THSD7A: variants seen among roughly 807,000 people sequenced by gnomAD.
THSD7A encodes thrombospondin type-1 domain-containing protein 7A.
In THSD7A, 96 loss-of-function variants were observed where a neutral mutation model predicts 231.3. The ratio of observed to expected loss-of-function variants is 0.41; its 90% CI spans 0.35 to 0.49. The LOEUF (loss-of-function observed/expected upper bound fraction) is 0.49. Among genes scored for constraint, THSD7A ranks in the 20% least tolerant of loss-of-function variants. The probability of loss-of-function intolerance (pLI) is 0.05; values close to 1 mark genes in which losing one functional copy is unlikely to be tolerated. For synonymous variants in THSD7A, 940 were observed against 743.3 expected (o/e 1.26, Z -4.30); for missense variants, 2,290 against 2,070.2 (o/e 1.11, Z -2.06).
At chr7:11,543,868 GT>G (rs1789258092) in intron 4 of THSD7A, among the ~76,000 whole-genome samples, 1 of 151,738 alleles carries the variant, frequency 6.6e-6, no homozygotes, top group South Asian at 2.1e-4. Flanking sequence ...GACAGTTAAG[GT>G]CAATATATAT....
At chr7:11,410,798 C>T (rs528972561) in intron 19 of THSD7A, among the ~76,000 whole-genome samples, 2 of 152,060 alleles carry the variant, frequency 1.3e-5, no homozygotes, top group Admixed American at 1.3e-4. Flanking sequence ...TCAAAATCTG[C>T]TATGAAACCA....
intron 1 of THSD7A, among the ~76,000 whole-genome samples, chr7:11,747,663 T>A (rs1782356015): frequency 6.6e-6 from 1 of 151,922 alleles, no homozygotes; most frequent in South Asian, 2.1e-4. Context: ...TAGAAAGACA[T>A]ATGGCTGAAT....
At chr7:11,493,393 C>T (rs370128244) in intron 6 of THSD7A, among the ~76,000 whole-genome samples, 29 of 152,178 alleles carry the variant, frequency 1.9e-4, no homozygotes, top group African/African-American at 6.3e-4. Context: ...CTAGCTCACA[C>T]GTTTCAAACC....
At chr7:11,785,233 A>AT in intron 1 of THSD7A, among the ~76,000 whole-genome samples, 1 of 151,866 alleles carries the variant, frequency 6.6e-6, no homozygotes, top group Non-Finnish European at 1.5e-5. Context: ...TAATTAACTC[A>AT]TTTTTTCAGA....
intron 9 of THSD7A, among the ~76,000 whole-genome samples, chr7:11,468,826 ACT>A (rs535733221): frequency 6.8e-4 from 103 of 152,092 alleles, no homozygotes; most frequent in African/African-American, 2.1e-3. Context: ...AGAGTGAGAG[ACT>A]CTATCTTAAA....
At chr7:11,508,624 G>A (rs1202462525) in intron 6 of THSD7A, among the ~76,000 whole-genome samples, 2 of 152,176 alleles carry the variant, frequency 1.3e-5, no homozygotes, top group Non-Finnish European at 1.5e-5. Context: ...AAATCAGGAT[G>A]TCAAAGAGAT....
chr7:11,738,361 A>C (rs1019060634), intron 1 of THSD7A, among the ~76,000 whole-genome samples: 2 of 152,022 alleles, frequency 1.3e-5, no homozygotes, highest in Admixed American at 6.6e-5. Context: ...ACTTTTATTC[A>C]TAATAGTTCT....
At chr7:11,540,473 C>A (rs1789097848) in intron 6 of THSD7A, among the ~76,000 whole-genome samples, 1 of 152,174 alleles carries the variant, frequency 6.6e-6, no homozygotes, top group Non-Finnish European at 1.5e-5. Flanking sequence ...CCAGTACCCC[C>A]AAGGGGGCAC....
chr7:11,391,858 T>C (rs1008876192), intron 23 of THSD7A, among the ~76,000 whole-genome samples: 6 of 152,042 alleles, frequency 3.9e-5, no homozygotes, highest in Non-Finnish European at 7.4e-5. Context: ...AGGGAATCCC[T>C]GACCCCTTGC....
chr7:11,533,286 T>C (rs182932003), intron 6 of THSD7A, among the ~76,000 whole-genome samples: 1 of 152,304 alleles, frequency 6.6e-6, no homozygotes, highest in East Asian at 1.9e-4. Context: ...ATAAGCCATT[T>C]CTTATGGAAA....
chr7:11,431,788 C>T (rs373509247), intron 13 of THSD7A, among the ~76,000 whole-genome samples: 4 of 152,082 alleles, frequency 2.6e-5, no homozygotes, highest in African/African-American at 4.8e-5. Flanking sequence ...GAAGCACTGC[C>T]GTCTTAATTC....
At chr7:11,707,100 C>T (rs1325242680) in intron 1 of THSD7A, among the ~76,000 whole-genome samples, 2 of 150,730 alleles carry the variant, frequency 1.3e-5, no homozygotes, top group African/African-American at 4.8e-5. Flanking sequence ...ACTAAGGGCT[C>T]ATATTGAATT....
chr7:11,667,414 T>C (rs745658390), intron 1 of THSD7A, among the ~76,000 whole-genome samples: 2 of 152,212 alleles, frequency 1.3e-5, no homozygotes, highest in Non-Finnish European at 2.9e-5. Flanking sequence ...CACGAGCGTT[T>C]GTACTTTATC....
intron 1 of THSD7A, among the ~76,000 whole-genome samples, chr7:11,670,304 A>G (rs966435530): frequency 7.9e-5 from 12 of 152,270 alleles, no homozygotes; most frequent in Admixed American, 7.8e-4. Context: ...GTCAATGGAG[A>G]TCCATTACCA....
chr7:11,751,416 G>A (rs1298306405), intron 1 of THSD7A: 5 of 151,892 alleles, frequency 3.3e-5, no homozygotes, highest in African/African-American at 1.2e-4. Flanking sequence ...GTGGGGGGAG[G>A]AGCCCCTCCC....
In THSD7A at chr7:11,444,111, C is replaced by T. The variant is rs1421196912; in HGVS notation, c.3064+1950G>A. The stretch of plus-strand genomic sequence containing the variant: ...AAAACCACAGTGAGATACCACCTCA[C>T]ACCAGTTAGAATGGTGATCATTAAA... On this transcript the variant is annotated intron_variant, in intron 13 of 27. Coordinates refer to ENST00000423059, the MANE Select transcript of THSD7A (RefSeq NM_015204.3). This position sits in a 1 kb window ranked among gnomAD's most constrained non-coding sequence, Gnocchi z 4.2. Among the ~76,000 whole-genome samples, 6 of 152,208 alleles carry T rather than the reference C, an allele frequency of 3.9e-5. No homozygotes were observed. The highest frequency in any genetic ancestry group is 1.4e-4 in the African/African-American group (6 of 41,548).
intron 1 of THSD7A, among the ~76,000 whole-genome samples, chr7:11,768,576 T>C (rs925217129): frequency 3.3e-5 from 5 of 152,118 alleles, no homozygotes; most frequent in African/African-American, 1.2e-4. Flanking sequence ...TGGTCAAAAG[T>C]GATCTCCAAC....
intron 1 of THSD7A, among the ~76,000 whole-genome samples, chr7:11,718,052 T>G (rs535064070): frequency 1.3e-5 from 2 of 151,656 alleles, no homozygotes; most frequent in Non-Finnish European, 3.0e-5. Context: ...ATGCAATCAT[T>G]ATGGAAGTAA....
At chr7:11,803,118 A>G (rs1403760991) in intron 1 of THSD7A, among the ~76,000 whole-genome samples, 1 of 152,186 alleles carries the variant, frequency 6.6e-6, no homozygotes, top group African/African-American at 2.4e-5. Context: ...TAAAGGAAGA[A>G]GAGGAGTTAA....
Sources: gnomAD v4.1 joint callset for allele counts (sites outside exome capture counted in the v4.1 genomes callset) on GRCh38, gnomAD v4.1.1 for gene constraint, Gnocchi (gnomAD v3.1) non-coding constraint, MANE v1.5 for transcripts, NCBI Gene and HGNC (gene_info 2026-07-23, HGNC 2026-07-21) for gene names.